SNX25: variants seen among roughly 807,000 people sequenced by gnomAD.
SNX25 encodes the protein sorting nexin 25, also known as sorting nexin-25.
SNX25 carries 62 observed loss-of-function variants against 113.7 expected under a neutral mutation model. The observed-to-expected ratio is 0.55, with a 90% CI of 0.44 to 0.67. The LOEUF (loss-of-function observed/expected upper bound fraction) is 0.67, where lower values mean the gene tolerates loss of function less well. SNX25 is among the 30% of genes least tolerant of loss of function. SNX25 has a pLI of 0.00. For missense variants in SNX25, 1,014 were observed against 1,161.0 expected, an observed-to-expected ratio of 0.87 and a Z score of 1.84; for synonymous variants, 421 against 436.2, an observed-to-expected ratio of 0.97 and a Z score of 0.43.
chr4:185,319,614 T>C (rs2095104436), intron 7 of SNX25, among the ~76,000 whole-genome samples: 1 of 152,162 alleles, frequency 6.6e-6, no homozygotes, highest in Non-Finnish European at 1.5e-5. Context: ...GACTCCTTGT[T>C]TATTTCTTCC....
intron 12 of SNX25, among the ~76,000 whole-genome samples, chr4:185,343,576 A>G (rs1265054160): frequency 6.6e-6 from 1 of 152,234 alleles, no homozygotes; most frequent in African/African-American, 2.4e-5. Context: ...TAGGACATGT[A>G]CATAGTGGCT....
intron 4 of SNX25, 106 bp from the exon 5 acceptor site, chr4:185,266,863 C>G (rs1748170387): frequency 9.1e-7 from 1 of 1,095,636 alleles, no homozygotes; most frequent in Admixed American, 2.5e-5. Context: ...CCCTGTTTGA[C>G]TACTTGAAAA....
rs182118122 is a variant in SNX25, at chr4:185,222,072, G to A, written c.429+11817G>A. ...ACCATATACCCCTCCTTCATGGTAG[G>A]TATATAGCGCCATATACCCCTCCTT... On this transcript the variant is annotated intron_variant, in intron 1 of 18. Transcript: ENST00000652585. Among the ~76,000 whole-genome samples the A allele has an allele frequency of 4.5e-3, 97 of 21,472 alleles. 2 individuals are homozygous for A. The highest frequency in any genetic ancestry group is 0.012 in the African/African-American group (91 of 7,530). 14.1% of individuals were successfully genotyped at this position (21,472 alleles called of 152,430 possible).
At chr4:185,329,864 G>T (rs1561020171) in intron 9 of SNX25, among the ~76,000 whole-genome samples, 4 of 151,950 alleles carry the variant, frequency 2.6e-5, no homozygotes, top group African/African-American at 2.4e-5. Flanking sequence ...TCTTCCTCAC[G>T]CAAATCACTC....
chr4:185,215,357 A>C (rs72706075), intron 1 of SNX25, among the ~76,000 whole-genome samples: 15,404 of 152,284 alleles, frequency 0.1, 854 homozygotes, highest in Non-Finnish European at 0.13. Context: ...TTAGACCCAC[A>C]GGGAGGACTG....
chr4:185,374,535 G>T, downstream of SNX25: 1 of 1,504,596 alleles, frequency 6.6e-7, no homozygotes. Context: ...TCCCAATAAG[G>T]CTGTGAAGTG....
upstream of SNX25, chr4:185,209,561 C>T: frequency 4.4e-6 from 1 of 227,814 alleles, no homozygotes; most frequent in Non-Finnish European, 7.3e-6. The surrounding 1 kb of genome is among the most constrained non-coding windows in gnomAD (Gnocchi z 5.2). Flanking sequence ...CACTTCAGGG[C>T]GGCCCCGCCC....
chr4:185,237,298 A>G (rs1380793374), intron 1 of SNX25, among the ~76,000 whole-genome samples: 1 of 152,268 alleles, frequency 6.6e-6, no homozygotes, highest in East Asian at 1.9e-4. Flanking sequence ...TAAAAGCACA[A>G]CTCAGGAAAC....
intron 6 of SNX25, among the ~76,000 whole-genome samples, chr4:185,305,848 C>CT (rs1055069682): frequency 3.9e-5 from 6 of 152,078 alleles, no homozygotes; most frequent in South Asian, 2.1e-4. Flanking sequence ...AAAGTAATCA[C>CT]TTTTTTTGCC....
At chr4:185,297,212 A>C (rs1752959878) in intron 6 of SNX25, among the ~76,000 whole-genome samples, 1 of 152,220 alleles carries the variant, frequency 6.6e-6, no homozygotes, top group Non-Finnish European at 1.5e-5. Context: ...AAATGAATTA[A>C]AAGTAAGTAC....
At chr4:185,304,142 C>T (rs540241323) in intron 6 of SNX25, among the ~76,000 whole-genome samples, 2 of 152,240 alleles carry the variant, frequency 1.3e-5, no homozygotes, top group East Asian at 3.9e-4. Flanking sequence ...AGTAAAACTT[C>T]TGTTTACTTA....
intron 7 of SNX25, among the ~76,000 whole-genome samples, chr4:185,315,752 C>G (rs1373616954): frequency 2.6e-5 from 4 of 152,204 alleles, no homozygotes; most frequent in African/African-American, 9.7e-5. Flanking sequence ...AAAATGGTGT[C>G]TCTCATGACC....
At chr4:185,370,705 T>C (rs140212259), downstream of SNX25, 126 of 1,613,944 alleles carry the variant, frequency 7.8e-5, no homozygotes, top group Non-Finnish European at 1.0e-4. Context: ...TGAAGACACC[T>C]TGCGTGGTAG....
At chr4:185,368,157 A>G (rs370509376), downstream of SNX25, among the ~76,000 whole-genome samples, 12 of 152,260 alleles carry the variant, frequency 7.9e-5, no homozygotes, top group Non-Finnish European at 8.8e-5. Flanking sequence ...CAGCCTGGGC[A>G]ACAGAGCCAG....
chr4:185,339,703 G>A lies in SNX25; in HGVS notation c.2046+193G>A, dbSNP rs370198646. On this transcript the variant is annotated intron_variant, in intron 11 of 18. Transcript: ENST00000652585. Reference sequence around the variant, plus strand: ...ACTGGGAACTATACAAGGCTGCTTGGTATAGATCTGATCTCACTCCACTTC... The same window carrying A: ...ACTGGGAACTATACAAGGCTGCTTGATATAGATCTGATCTCACTCCACTTC... 5.9e-5 allele frequency among the ~76,000 whole-genome samples: 9 copies of A among 152,232 alleles called. No individual in the cohort carries two copies. The East Asian group carries it at 1.2e-3, about 20-fold the overall frequency.
intron 12 of SNX25, 77 bp from the exon 13 acceptor site, chr4:185,346,460 C>A: frequency 9.9e-7 from 1 of 1,006,546 alleles, no homozygotes; most frequent in Non-Finnish European, 1.5e-6. Context: ...TTGTTTTGTT[C>A]TAATTGTTAT....
Position 185,353,596 on chromosome 4 carries a change from C to T in SNX25, c.2578C>T (p.Arg860Ter), listed in dbSNP as rs762094565. The T allele has an allele frequency of 1.9e-6, 3 of 1,612,870 alleles. No homozygotes were observed. The highest frequency in any genetic ancestry group is 2.5e-6 in the Non-Finnish European group (3 of 1,178,908). ...GTTGATTGGGGAGATTTTTGAACTT[C>T]GAGGAAGTAAGCTTCTTTGTTATTA... ...FMLIGEIFEL[R>*]GMFKWVRRTL... The change falls in exon 15 of 19, where the codon CGA becomes TGA. Residue 860 changes from arginine (R) to a stop codon, truncating the protein, a stop_gained. Coordinates refer to ENST00000652585, the MANE Select transcript of SNX25 (RefSeq NM_001378034.2). LOFTEE classifies it high-confidence loss of function.
chr4:185,311,155 C>A (rs1258086041), intron 7 of SNX25, among the ~76,000 whole-genome samples: 1 of 152,126 alleles, frequency 6.6e-6, no homozygotes. Context: ...ATAGAAATAA[C>A]CACCTATGAA....
chr4:185,299,419 T>G (rs1415324144), intron 6 of SNX25, among the ~76,000 whole-genome samples: 1 of 152,164 alleles, frequency 6.6e-6, no homozygotes, highest in East Asian at 1.9e-4. Flanking sequence ...TCAGCCTCAC[T>G]GGAGAGCTTG....
Sources: allele counts gnomAD v4.1 joint callset (sites outside exome capture counted in the v4.1 genomes callset), GRCh38; gene constraint gnomAD v4.1.1; non-coding constraint Gnocchi (gnomAD v3.1); transcripts MANE v1.5; gene names NCBI Gene and HGNC (gene_info 2026-07-23, HGNC 2026-07-21).